KCNIP4: variants seen among roughly 807,000 people sequenced by gnomAD.
KCNIP4 encodes Kv channel-interacting protein 4.
Under a neutral mutation model 34.0 loss-of-function variants are expected in KCNIP4, and 12 were observed. The ratio of observed to expected loss-of-function variants is 0.35; its 90% CI spans 0.23 to 0.57. KCNIP4 has a LOEUF of 0.57. Ranked by LOEUF, KCNIP4 falls within the 20% of genes least tolerant of loss-of-function variation. The probability of loss-of-function intolerance (pLI) is 0.83; values close to 1 mark genes in which losing one functional copy is unlikely to be tolerated. For synonymous variants in KCNIP4, 124 were observed against 102.2 expected (o/e 1.21, Z -1.29); for missense variants, 238 against 311.7 (o/e 0.76, Z 1.78).
chr4:20,858,634 A>T (rs1560520689), intron 2 of KCNIP4, among the ~76,000 whole-genome samples: 1 of 152,050 alleles, frequency 6.6e-6, no homozygotes, highest in Admixed American at 6.6e-5. Flanking sequence ...TAACCCAAGC[A>T]ACTCTTGGCC....
At position 20,837,684 on chromosome 4, in the gene KCNIP4, ATAT is replaced by A. The variant is rs1293569105; in HGVS notation, c.288+12856_288+12858del. On this transcript the variant is annotated intron_variant, in intron 3 of 8. Coordinates refer to ENST00000382152, the MANE Select transcript of KCNIP4 (RefSeq NM_025221.6). ...GTGCTATATATATATATATATATAT[ATAT>A]TTTTTTTTCCTTGGAGATGGAGTCT... Among the ~76,000 whole-genome samples the A allele has an allele frequency of 4.7e-3, 480 of 102,530 alleles. 2 individuals carry two copies. The highest frequency in any genetic ancestry group is 5.7e-3 in the Admixed American group (61 of 10,622). 67.3% of individuals were successfully genotyped at this position (102,530 alleles called of 152,430 possible). A position where few individuals can be genotyped will look rare whatever the true frequency, so the allele number is the denominator to read the frequency against.
chr4:21,129,660 T>G (rs1258305011), intron 1 of KCNIP4, among the ~76,000 whole-genome samples: 1 of 152,216 alleles, frequency 6.6e-6, no homozygotes, highest in Non-Finnish European at 1.5e-5. Flanking sequence ...ATGAACTGGC[T>G]GCTGTTGACT....
chr4:21,507,137 T>C (rs969175497), intron 1 of KCNIP4, among the ~76,000 whole-genome samples: 8 of 151,980 alleles, frequency 5.3e-5, no homozygotes, highest in Non-Finnish European at 1.0e-4. Flanking sequence ...CTTTTAATAT[T>C]ATTAAATATT....
intron 1 of KCNIP4, among the ~76,000 whole-genome samples, chr4:21,491,469 G>T (rs187064224): frequency 1.3e-5 from 2 of 152,084 alleles, no homozygotes; most frequent in African/African-American, 2.4e-5. Context: ...TGGTCTTCTG[G>T]GTTCAAGTGA....
chr4:21,092,649 A>G (rs560681284), intron 1 of KCNIP4, among the ~76,000 whole-genome samples: 2 of 152,230 alleles, frequency 1.3e-5, no homozygotes, highest in African/African-American at 2.4e-5. Flanking sequence ...TAGAGAGCCA[A>G]TGAGGACCAA....
At position 21,057,948 on chromosome 4, in the gene KCNIP4, G is replaced by C. The variant is rs115599099; in HGVS notation, c.62-175239C>G. ...TCCAAAGAAGGAAGAAAAATTTAAA[G>C]AGTTCAGGCAATGCATGCTAGTTAA... On this transcript the variant is annotated intron_variant, in intron 1 of 8. Transcript: ENST00000382152. Among the ~76,000 whole-genome samples, 1,025 of 152,248 alleles carry C rather than the reference G, an allele frequency of 6.7e-3. 9 individuals carry two copies. Among genetic ancestry groups the C allele is most frequent in the African/African-American group, 0.023 (958 of 41,558 alleles).
At chr4:21,018,104 GACT>G (rs1243833863) in intron 1 of KCNIP4, among the ~76,000 whole-genome samples, 1 of 152,134 alleles carries the variant, frequency 6.6e-6, no homozygotes, top group Non-Finnish European at 1.5e-5. Context: ...ATGCATGATT[GACT>G]ACTTTCTTGA....
chr4:21,582,747 C>T (rs993629462), intron 1 of KCNIP4, among the ~76,000 whole-genome samples: 4 of 151,822 alleles, frequency 2.6e-5, no homozygotes, highest in African/African-American at 9.7e-5. Context: ...TATAAATAAA[C>T]TATGAACACT....
intron 3 of KCNIP4, among the ~76,000 whole-genome samples, chr4:20,792,298 C>G (rs560080685): frequency 6.6e-6 from 1 of 151,782 alleles, no homozygotes; most frequent in African/African-American, 2.4e-5. Context: ...TGCTTGAACC[C>G]GGGGGCAGAG....
chr4:21,355,630 T>C (rs775291446), intron 1 of KCNIP4, among the ~76,000 whole-genome samples: 21 of 152,124 alleles, frequency 1.4e-4, no homozygotes, highest in Non-Finnish European at 2.5e-4. Context: ...AATAGATCAA[T>C]AACAGGCTCT....
intron 1 of KCNIP4, among the ~76,000 whole-genome samples, chr4:21,040,648 C>G (rs1741873833): frequency 6.6e-6 from 1 of 151,988 alleles, no homozygotes; most frequent in Non-Finnish European, 1.5e-5. Flanking sequence ...CTACTTTAGG[C>G]AAAGTATATA....
At chr4:20,919,439 C>T (rs983460228) in intron 1 of KCNIP4, among the ~76,000 whole-genome samples, 1 of 151,136 alleles carries the variant, frequency 6.6e-6, no homozygotes, top group African/African-American at 2.4e-5. Context: ...CGCGGTGGCT[C>T]ATGCCTGTAA....
intron 1 of KCNIP4, among the ~76,000 whole-genome samples, chr4:21,120,935 C>A (rs1390622374): frequency 6.6e-6 from 1 of 152,174 alleles, no homozygotes; most frequent in Non-Finnish European, 1.5e-5. Context: ...AGAATTTCAA[C>A]ATGTAAATTC....
chr4:21,235,167 G>A (rs769460513), intron 1 of KCNIP4, among the ~76,000 whole-genome samples: 2 of 152,050 alleles, frequency 1.3e-5, no homozygotes, highest in Non-Finnish European at 2.9e-5. Flanking sequence ...ATAATACTGT[G>A]GTTTGTTCTC....
chr4:21,806,081 T>C (rs968871258), intron 1 of KCNIP4, among the ~76,000 whole-genome samples: 1 of 152,166 alleles, frequency 6.6e-6, no homozygotes, highest in Non-Finnish European at 1.5e-5. Context: ...AACAGCATGG[T>C]AGTTAAGGGT....
chr4:20,852,588 C>A (rs539730332), intron 2 of KCNIP4, among the ~76,000 whole-genome samples: 2 of 152,250 alleles, frequency 1.3e-5, no homozygotes, highest in South Asian at 4.1e-4. Flanking sequence ...CCCACTCTCA[C>A]CACTCCTCTT....
chr4:20,986,798 T>A (rs762742177), intron 1 of KCNIP4, among the ~76,000 whole-genome samples: 11 of 152,206 alleles, frequency 7.2e-5, no homozygotes, highest in Non-Finnish European at 1.6e-4. Context: ...TCACATAAAG[T>A]CCCATGAATA....
chr4:21,432,560 A>G (rs956463199), intron 1 of KCNIP4, among the ~76,000 whole-genome samples: 1 of 152,178 alleles, frequency 6.6e-6, no homozygotes, highest in African/African-American at 2.4e-5. Flanking sequence ...AAATTTTAGT[A>G]TCTCTGCTCA....
intron 1 of KCNIP4, among the ~76,000 whole-genome samples, chr4:21,197,133 A>G (rs868033124): frequency 5.3e-5 from 8 of 152,218 alleles, no homozygotes; most frequent in African/African-American, 1.9e-4. Flanking sequence ...TTATATGAAT[A>G]TATCACAATT....
Sources: allele counts gnomAD v4.1 joint callset (sites outside exome capture counted in the v4.1 genomes callset), GRCh38; gene constraint gnomAD v4.1.1; transcripts MANE v1.5; gene names NCBI Gene and HGNC (gene_info 2026-07-23, HGNC 2026-07-21).